The following REPS2 variants were observed in gnomAD, a reference collection of about 807,000 sequenced individuals.
REPS2 encodes the protein ralBP1-associated Eps domain-containing protein 2.
Under a neutral mutation model 53.6 loss-of-function variants are expected in REPS2, and 23 were observed. That is an observed-to-expected ratio of 0.43 (90% CI 0.31 to 0.61). The LOEUF is 0.61. REPS2 is among the 20% of genes least tolerant of loss of function. The pLI is 0.11. For synonymous variants in REPS2, 238 were observed against 218.6 expected (o/e 1.09, Z -0.78); for missense variants, 446 against 534.9 (o/e 0.83, Z 1.64).
intron 13 of REPS2, among the ~76,000 whole-genome samples, chrX:17,088,870 A>G (rs1407269682): frequency 1.8e-5 from 2 of 111,473 alleles, no homozygotes; most frequent in African/African-American, 3.3e-5. Context: ...GGTGTGAGCC[A>G]CCACATCCTG....
intron 5 of REPS2, among the ~76,000 whole-genome samples, chrX:17,045,634 A>G (rs185725621): frequency 1.8e-4 from 20 of 108,630 alleles, no homozygotes; most frequent in Admixed American, 1.0e-3. Context: ...TAACAACCCT[A>G]CAGCTCTCAA....
intron 13 of REPS2, among the ~76,000 whole-genome samples, chrX:17,092,355 G>A (rs1602990315): frequency 1.8e-5 from 2 of 111,965 alleles, no homozygotes; most frequent in African/African-American, 6.5e-5. Flanking sequence ...AGGAAGCAGA[G>A]ATCCAATAAA....
At chrX:16,990,805 A>G in intron 1 of REPS2, among the ~76,000 whole-genome samples, 1 of 110,771 alleles carries the variant, frequency 9.0e-6, no homozygotes, top group Non-Finnish European at 1.9e-5. Context: ...ATCTCTGGGT[A>G]TCATTTCTTA....
intron 2 of REPS2, among the ~76,000 whole-genome samples, chrX:17,008,218 G>A (rs1214279205): frequency 8.9e-6 from 1 of 112,324 alleles, no homozygotes; most frequent in East Asian, 2.8e-4. Context: ...TTTGTGGTAG[G>A]CACTGATAGT....
chrX:16,975,505 C>T (rs188167181), intron 1 of REPS2, among the ~76,000 whole-genome samples: 4 of 110,778 alleles, frequency 3.6e-5, no homozygotes, highest in Admixed American at 9.6e-5. Flanking sequence ...TCGTTAGCCA[C>T]GTGTATGTCT....
At chrX:16,966,518 A>C (rs1028259128) in intron 1 of REPS2, among the ~76,000 whole-genome samples, 23 of 112,531 alleles carry the variant, frequency 2.0e-4, no homozygotes, top group African/African-American at 6.8e-4. Flanking sequence ...ACATAGCCTA[A>C]AGGTAATTTT....
intron 1 of REPS2, among the ~76,000 whole-genome samples, chrX:16,977,544 T>A (rs925685878): frequency 9.2e-6 from 1 of 108,587 alleles, no homozygotes; most frequent in African/African-American, 3.4e-5. Flanking sequence ...AAGACCCCCA[T>A]CTCTAAAAAA....
chrX:16,963,617 C>T (rs2060693696), intron 1 of REPS2, among the ~76,000 whole-genome samples: 1 of 112,408 alleles, frequency 8.9e-6, no homozygotes. Context: ...TTATGAATTA[C>T]AAGCCTTCCT....
chrX:16,988,455 T>C (rs1296600861), intron 1 of REPS2, among the ~76,000 whole-genome samples: 1 of 112,126 alleles, frequency 8.9e-6, no homozygotes, highest in Non-Finnish European at 1.9e-5. Flanking sequence ...ATACTAGCCA[T>C]AAACAAATGG....
chrX:17,051,946 C>T (rs1018134103), intron 6 of REPS2, among the ~76,000 whole-genome samples: 2 of 112,222 alleles, frequency 1.8e-5, no homozygotes, highest in East Asian at 5.6e-4. Context: ...CCCAAGATGT[C>T]TGTCTTATCT....
intron 13 of REPS2, among the ~76,000 whole-genome samples, chrX:17,081,924 A>G (rs776097692): frequency 1.8e-5 from 2 of 112,784 alleles, no homozygotes; most frequent in East Asian, 2.8e-4. Flanking sequence ...CTCTATATTT[A>G]TAGCTATGAA....
At chrX:17,194,528 C>A in the REPS2 span, among the ~76,000 whole-genome samples, 6 of 111,549 alleles carry the variant, frequency 5.4e-5, no homozygotes, top group African/African-American at 2.0e-4. Context: ...TTGGTAATGA[C>A]AAAATTTTAG....
chrX:16,968,541 G>A lies in REPS2; in HGVS notation c.273+21407G>A, dbSNP rs868133712. ...GGGGCTGACCCCCCCACCTCCCTCCGGGACGGGGTGGCTGGCTGGGCAGAG... is the reference window on the plus strand; with the variant it reads ...GGGGCTGACCCCCCCACCTCCCTCCAGGACGGGGTGGCTGGCTGGGCAGAG... On this transcript the variant is annotated intron_variant, in intron 1 of 17. Transcript: ENST00000357277. Among the ~76,000 whole-genome samples, 154 of 74,723 alleles carry A rather than the reference G, an allele frequency of 2.1e-3. 1 individual carries two copies. Among genetic ancestry groups the A allele is most frequent in the African/African-American group, 7.0e-3 (138 of 19,655 alleles). The allele number at this position is 74,723 out of a possible 115,157, so 64.9% of individuals were successfully genotyped here.
In REPS2 at chrX:17,097,469, A is replaced by C. The variant is rs145799839; in HGVS notation, c.1517-6249A>C. 5.4e-4 allele frequency among the ~76,000 whole-genome samples: 61 copies of C among 112,259 alleles called. 1 individual carries two copies. In the Admixed American group the frequency reaches 5.6e-3, roughly 10 times the overall value. ...CTAAAGAGGTACTTGGAAAAAATTT[A>C]TAACCCTAAATGCTTACATTAGAAA... is the stretch of plus-strand genomic sequence containing the variant. On this transcript the variant is annotated intron_variant, in intron 13 of 17. Transcript: ENST00000357277.
chrX:17,185,950 G>GA, the REPS2 span, among the ~76,000 whole-genome samples: 141 of 107,987 alleles, frequency 1.3e-3, no homozygotes, highest in African/African-American at 4.3e-3. Context: ...CCTATCTAAA[G>GA]AAAAAAAAAA....
At chrX:16,982,792 T>C (rs1317509448) in intron 1 of REPS2, among the ~76,000 whole-genome samples, 2 of 112,143 alleles carry the variant, frequency 1.8e-5, no homozygotes, top group Admixed American at 9.5e-5. Flanking sequence ...GATGTTCCAG[T>C]TGGACACAGG....
At position 16,951,560 on chromosome X, in the gene REPS2, C is replaced by CACACACA. The variant is rs1555906117; in HGVS notation, c.273+4426_273+4427insACACACA. On this transcript the variant is annotated intron_variant, in intron 1 of 17. Coordinates refer to ENST00000357277, the MANE Select transcript of REPS2 (RefSeq NM_004726.3). ...ACACACACACACACACACACACACA[C>CACACACA]CCCCGCTACCTACCTCTCTCTGGGG... 2.8e-3 allele frequency among the ~76,000 whole-genome samples: 56 copies of CACACACA among 19,891 alleles called. 2 individuals carry two copies. Among genetic ancestry groups the CACACACA allele is most frequent in the East Asian group, 0.013 (4 of 309 alleles). The allele number at this position is 19,891 out of a possible 115,157, so 17.3% of individuals were successfully genotyped here.
intron 1 of REPS2, among the ~76,000 whole-genome samples, chrX:16,955,235 G>T (rs1569086292): frequency 9.0e-6 from 1 of 111,438 alleles, no homozygotes; most frequent in East Asian, 2.8e-4. Flanking sequence ...ATACCTATCT[G>T]TTGGTGGGCA....
At chrX:17,127,592 C>G (rs1210325771) in intron 14 of REPS2, among the ~76,000 whole-genome samples, 1 of 111,836 alleles carries the variant, frequency 8.9e-6, no homozygotes, top group Non-Finnish European at 1.9e-5. Context: ...TGACCCAGAA[C>G]AAACCAGGTC....
Sources: gnomAD v4.1 joint callset for allele counts (sites outside exome capture counted in the v4.1 genomes callset) on GRCh38, gnomAD v4.1.1 for gene constraint, MANE v1.5 for transcripts, NCBI Gene and HGNC (gene_info 2026-07-23, HGNC 2026-07-21) for gene names.